ENPP6: variants seen among roughly 807,000 people sequenced by gnomAD.
ENPP6 encodes glycerophosphocholine cholinephosphodiesterase ENPP6.
Under a neutral mutation model 42.0 loss-of-function variants are expected in ENPP6, and 32 were observed. The ratio of observed to expected loss-of-function variants is 0.76; its 90% confidence interval spans 0.58 to 1.02. The LOEUF (loss-of-function observed/expected upper bound fraction) is 1.02, where lower values mean the gene tolerates loss of function less well. ENPP6 is among the 50% of genes least tolerant of loss of function. ENPP6 has a pLI of 0.00. For synonymous variants in ENPP6, 213 were observed against 216.0 expected (o/e 0.99, Z 0.12); for missense variants, 552 against 566.8 (o/e 0.97, Z 0.27).
Position 184,091,238 on chromosome 4 carries a change from G to C in ENPP6, c.1262C>G (p.Ala421Gly), listed in dbSNP as rs963359357. ...MCMLKGRAST[A>G]PPVWPSHCAL... Reference sequence around the variant, plus strand: ...ACAGTGGCTGGGCCAGACAGGCGGGGCAGTGCTGGCGCGGCCCTTCAGCAT... The same window carrying C: ...ACAGTGGCTGGGCCAGACAGGCGGGCCAGTGCTGGCGCGGCCCTTCAGCAT... Residue 421 changes from alanine to glycine, a missense_variant, in exon 8 of 8, where the codon GCC becomes GGC. Ala to Gly is a moderately conservative substitution (Grantham distance 60, BLOSUM62 0). Transcript: ENST00000296741. The C allele has an allele frequency of 7.5e-6, 12 of 1,596,460 alleles. No individual in the cohort carries two copies. The highest frequency in any genetic ancestry group is 1.2e-5 in the South Asian group (1 of 86,792).
At chr4:184,212,330 C>G (rs1329731977) in intron 1 of ENPP6, among the ~76,000 whole-genome samples, 2 of 150,056 alleles carry the variant, frequency 1.3e-5, no homozygotes, top group South Asian at 2.1e-4. Flanking sequence ...GATTGTATAT[C>G]TAGAAAACCC....
intron 2 of ENPP6, among the ~76,000 whole-genome samples, chr4:184,152,608 G>A (rs956417956): frequency 2.6e-5 from 4 of 152,218 alleles, no homozygotes; most frequent in Non-Finnish European, 5.9e-5. Context: ...TGCCACGGGC[G>A]TGGGAAAGGT....
chr4:184,097,673 G>T (rs1358714904), intron 6 of ENPP6, among the ~76,000 whole-genome samples: 1 of 152,222 alleles, frequency 6.6e-6, no homozygotes. Context: ...ATGTTAAAGT[G>T]TATCTGCGGT....
At chr4:184,140,143 G>A (rs1008792785) in intron 2 of ENPP6, among the ~76,000 whole-genome samples, 2 of 151,756 alleles carry the variant, frequency 1.3e-5, no homozygotes, top group Non-Finnish European at 2.9e-5. Flanking sequence ...TTTTTTGGCT[G>A]CATAAATGTC....
At chr4:184,110,117 G>A (rs1736174832) in intron 6 of ENPP6, among the ~76,000 whole-genome samples, 1 of 152,112 alleles carries the variant, frequency 6.6e-6, no homozygotes, top group South Asian at 2.1e-4. Flanking sequence ...ATCCTGAGTG[G>A]GCCAGCACCA....
chr4:184,194,670 A>C (rs1732767147), intron 1 of ENPP6, among the ~76,000 whole-genome samples: 1 of 152,150 alleles, frequency 6.6e-6, no homozygotes, highest in Non-Finnish European at 1.5e-5. Context: ...GGGAGGAAAA[A>C]GAAGGAGTCA....
chr4:184,201,223 G>A (rs1440940062), intron 1 of ENPP6, among the ~76,000 whole-genome samples: 4 of 152,152 alleles, frequency 2.6e-5, no homozygotes, highest in African/African-American at 9.7e-5. Context: ...TGTTGCTGAA[G>A]GTGTCTCTGA....
chr4:184,117,957 T>C, intron 3 of ENPP6, 57 bp from the exon 4 acceptor site: 1 of 1,582,114 alleles, frequency 6.3e-7, no homozygotes, highest in Non-Finnish European at 8.6e-7. Flanking sequence ...GCTTGCTCCC[T>C]TATCACCCCC....
chr4:184,208,601 T>A (rs954135490), intron 1 of ENPP6, among the ~76,000 whole-genome samples: 1 of 148,776 alleles, frequency 6.7e-6, no homozygotes, highest in Non-Finnish European at 1.5e-5. Context: ...GCCCACGGAG[T>A]CTCGCTGATT....
chr4:184,152,864 A>T (rs1008835454), intron 2 of ENPP6, among the ~76,000 whole-genome samples: 10 of 151,896 alleles, frequency 6.6e-5, no homozygotes, highest in Non-Finnish European at 1.2e-4. Context: ...AAAAATAGCG[A>T]GTGCTTTCAA....
chr4:184,203,606 T>C (rs926031408), intron 1 of ENPP6, among the ~76,000 whole-genome samples: 1 of 152,190 alleles, frequency 6.6e-6, no homozygotes, highest in African/African-American at 2.4e-5. Flanking sequence ...TGGAGTGATG[T>C]ATCTACCGGC....
At chr4:184,121,139 G>A (rs1736409970) in intron 3 of ENPP6, among the ~76,000 whole-genome samples, 1 of 152,236 alleles carries the variant, frequency 6.6e-6, no homozygotes, top group South Asian at 2.1e-4. Context: ...CAAGCCCATT[G>A]ACACAATACT....
intron 6 of ENPP6, among the ~76,000 whole-genome samples, chr4:184,110,617 G>A (rs984902300): frequency 2.6e-5 from 4 of 152,250 alleles, no homozygotes; most frequent in Admixed American, 2.0e-4. Context: ...TTTCTTTCCT[G>A]CTTTGGAATG....
intron 1 of ENPP6, among the ~76,000 whole-genome samples, chr4:184,197,913 C>T (rs1262264934): frequency 6.6e-6 from 1 of 152,104 alleles, no homozygotes; most frequent in East Asian, 1.9e-4. Flanking sequence ...CCACAGAGAC[C>T]AGTGAACACC....
intron 5 of ENPP6, 85 bp downstream of exon 5, chr4:184,116,771 A>G: frequency 6.5e-7 from 1 of 1,530,454 alleles, no homozygotes; most frequent in Non-Finnish European, 8.8e-7. Flanking sequence ...AAACAAAACA[A>G]AAAAACTACA....
intron 7 of ENPP6, among the ~76,000 whole-genome samples, chr4:184,094,112 C>A (rs1735856116): frequency 6.6e-6 from 1 of 152,132 alleles, no homozygotes; most frequent in Non-Finnish European, 1.5e-5. Context: ...AAGACCTCAA[C>A]TCTGCAAAAA....
At chr4:184,138,985 C>T (rs1206774394) in intron 2 of ENPP6, among the ~76,000 whole-genome samples, 3 of 152,238 alleles carry the variant, frequency 2.0e-5, no homozygotes, top group Admixed American at 6.5e-5. Flanking sequence ...TGAGAAGGTC[C>T]TATCTCCACC....
At chr4:184,115,459 A>G (rs749224508) in intron 5 of ENPP6, among the ~76,000 whole-genome samples, 4 of 152,204 alleles carry the variant, frequency 2.6e-5, no homozygotes, top group Non-Finnish European at 4.4e-5. Context: ...AGAGCAGGGT[A>G]AGCAGAGGTC....
Position 184,153,533 on chromosome 4 carries a change from A to G in ENPP6, c.421+21T>C, listed in dbSNP as rs13147555. ...GACTCTATGATGATTTGAGATTTGG[A>G]ATGGATGTTCACACACTCACCTGGC... On this transcript the variant is annotated intron_variant, in intron 2 of 7. Coordinates refer to ENST00000296741, the MANE Select transcript of ENPP6 (RefSeq NM_153343.4). 13 of 1,594,412 alleles carry G rather than the reference A, an allele frequency of 8.2e-6. No individual in the cohort carries two copies. In the African/African-American group the frequency reaches 1.8e-4, roughly 22 times the overall value.
Sources: allele counts gnomAD v4.1 joint callset (sites outside exome capture counted in the v4.1 genomes callset), GRCh38; gene constraint gnomAD v4.1.1; transcripts MANE v1.5; gene names NCBI Gene and HGNC (gene_info 2026-07-23, HGNC 2026-07-21).